STUM: variants seen among roughly 807,000 people sequenced by gnomAD.
STUM encodes the protein stum, mechanosensory transduction mediator homolog.
A neutral mutation model predicts 15.3 loss-of-function variants in STUM; 8 were observed. The observed-to-expected ratio is 0.52, with a 90% CI of 0.31 to 0.94. The LOEUF is 0.94. STUM is among the 40% of genes least tolerant of loss of function. The pLI is 0.05. For synonymous variants in STUM, 78 were observed against 88.7 expected, an observed-to-expected ratio of 0.88 and a Z score of 0.68; for missense variants, 142 against 204.9, an observed-to-expected ratio of 0.69 and a Z score of 1.87.
At chr1:226,594,096 G>A (rs543334528) in intron 1 of STUM, among the ~76,000 whole-genome samples, 2 of 152,294 alleles carry the variant, frequency 1.3e-5, no homozygotes, top group East Asian at 1.9e-4. Context: ...ATGAGGAGGA[G>A]GAAAACGAGG....
In STUM at chr1:226,552,803, G is replaced by A. The variant is rs1161892581; in HGVS notation, c.202+3697G>A. Among the ~76,000 whole-genome samples the A allele has an allele frequency of 1.3e-5, 2 of 152,008 alleles. No homozygotes were observed. The highest frequency in any genetic ancestry group is 4.8e-5 in the African/African-American group (2 of 41,362). On this transcript the variant is annotated intron_variant, in intron 1 of 3. Coordinates refer to ENST00000366788, the MANE Select transcript of STUM (RefSeq NM_001003665.4). This position sits in a 1 kb window ranked among gnomAD's most constrained non-coding sequence, Gnocchi z 4.7. ...GATGATTAATCATGTCCTACCTCCT[G>A]GCATCTTTTGTATCATAGATTTTTT...
Position 226,600,824 on chromosome 1 carries a change from A to C in STUM, c.391+150A>C. On this transcript the variant is annotated intron_variant, in intron 3 of 3. Transcript: ENST00000366788. This position sits in a 1 kb window ranked among gnomAD's most constrained non-coding sequence, Gnocchi z 5.2. ...TTAGCTTGAACTTTTGGTTTGGAAA[A>C]TGCTTAAACATAGACAAAAGTAGAG... 1.2e-6 allele frequency: 1 copy of C among 843,554 alleles called. No individual in the cohort carries two copies. Among genetic ancestry groups the C allele is most frequent in the Non-Finnish European group, 1.9e-6 (1 of 531,136 alleles). 52.3% of individuals were successfully genotyped at this position (843,554 alleles called of 1,614,324 possible).
At chr1:226,585,762 G>A (rs551210235) in intron 1 of STUM, among the ~76,000 whole-genome samples, 1 of 152,328 alleles carries the variant, frequency 6.6e-6, no homozygotes, top group African/African-American at 2.4e-5. Context: ...GTAAGTGCCA[G>A]CTGAATACAT....
rs748794159 is a variant in STUM, at chr1:226,549,036, C to T, written c.132C>T (p.Ala44=). The T allele has an allele frequency of 1.3e-6, 2 of 1,585,284 alleles. No homozygotes were observed. Among genetic ancestry groups the T allele is most frequent in the Admixed American group, 1.8e-5 (1 of 56,802 alleles). The change falls in exon 1 of 4, where the codon GCC becomes GCT. Residue 44 remains alanine (A), a synonymous_variant. Transcript: ENST00000366788. The surrounding 1 kb of genome is among the most constrained non-coding windows in gnomAD (Gnocchi z 6.8). Reference sequence around the variant, plus strand: ...GCGAGAAGAAGGGCCCCCTGCGCGCCGCCATCCCCTACATGCCCTTCCCCG... The same window carrying T: ...GCGAGAAGAAGGGCCCCCTGCGCGCTGCCATCCCCTACATGCCCTTCCCCG... ...QVREKKGPLR[A]AIPYMPFPVA...
intron 1 of STUM, among the ~76,000 whole-genome samples, chr1:226,569,214 G>A (rs1667668594): frequency 6.6e-6 from 1 of 152,178 alleles, no homozygotes; most frequent in African/African-American, 2.4e-5. Context: ...GGGCTCTCTT[G>A]AAGATTGAAT....
rs1553311961 is a variant in STUM at position 226,589,719 on chromosome 1, C to CCAGGAACAGCATGAG, written c.203-7070_203-7069insAGCAGGAACAGCATG. Among the ~76,000 whole-genome samples the CCAGGAACAGCATGAG allele has an allele frequency of 3.3e-5, 5 of 151,394 alleles. No homozygotes were observed. In the East Asian group the frequency reaches 9.7e-4, roughly 30 times the overall value. ...TGCCAGTTAGTGTTAGCTGGGACCT[C>CCAGGAACAGCATGAG]CAGGAACAGCATGCGCAGGGCCAGC... On this transcript the variant is annotated intron_variant, in intron 1 of 3. Coordinates refer to ENST00000366788, the MANE Select transcript of STUM (RefSeq NM_001003665.4).
intron 2 of STUM, among the ~76,000 whole-genome samples, chr1:226,598,177 G>A (rs1270777180): frequency 6.6e-6 from 1 of 152,198 alleles, no homozygotes; most frequent in Non-Finnish European, 1.5e-5. Flanking sequence ...AGGAAGTGCT[G>A]CCAGCCCTCA....
At chr1:226,592,229 G>A (rs1199061060) in intron 1 of STUM, among the ~76,000 whole-genome samples, 2 of 152,152 alleles carry the variant, frequency 1.3e-5, no homozygotes, top group African/African-American at 4.8e-5. Context: ...TGTATTTTTG[G>A]TAGAGACAGG....
chr1:226,570,955 G>A lies in STUM; in HGVS notation c.202+21849G>A, dbSNP rs557430707. Reference sequence around the variant, plus strand: ...TTTTAAAAGCAAATTTGTAGGCCAGGCACTGTGGCTCACACCTATAATCTC... The same window carrying A: ...TTTTAAAAGCAAATTTGTAGGCCAGACACTGTGGCTCACACCTATAATCTC... On this transcript the variant is annotated intron_variant, in intron 1 of 3. Coordinates refer to ENST00000366788, the MANE Select transcript of STUM (RefSeq NM_001003665.4). Among the ~76,000 whole-genome samples the A allele has an allele frequency of 1.5e-3, 235 of 152,270 alleles. 1 individual carries two copies. Among genetic ancestry groups the A allele is most frequent in the African/African-American group, 5.5e-3 (228 of 41,532 alleles).
chr1:226,550,318 A>G (rs760553603), intron 1 of STUM, among the ~76,000 whole-genome samples: 2 of 152,032 alleles, frequency 1.3e-5, no homozygotes, highest in Non-Finnish European at 2.9e-5. Context: ...TTGTCTTTCT[A>G]CCCTAAGGGG....
At chr1:226,579,623 T>C (rs1176606806) in intron 1 of STUM, among the ~76,000 whole-genome samples, 19 of 75,762 alleles carry the variant, frequency 2.5e-4, no homozygotes, top group African/African-American at 1.1e-3. Flanking sequence ...GGGAAGGCCT[T>C]ATTTCTTTTT....
At chr1:226,591,959 C>T (rs187831932) in intron 1 of STUM, among the ~76,000 whole-genome samples, 4 of 152,088 alleles carry the variant, frequency 2.6e-5, no homozygotes, top group Admixed American at 6.6e-5. Context: ...CAGGGCCTTC[C>T]ATAAATGACA....
intron 1 of STUM, among the ~76,000 whole-genome samples, chr1:226,574,851 T>C (rs936291277): frequency 1.3e-5 from 2 of 152,104 alleles, no homozygotes; most frequent in Non-Finnish European, 2.9e-5. Context: ...AGAGGGCGTG[T>C]CTCGGGGTCA....
chr1:226,571,917 A>G (rs1667717795), intron 1 of STUM, among the ~76,000 whole-genome samples: 1 of 152,184 alleles, frequency 6.6e-6, no homozygotes, highest in Non-Finnish European at 1.5e-5. Flanking sequence ...CTTGGATTAC[A>G]GGCGTGAGCC....
rs1271936210 is a variant in STUM, at chr1:226,607,690, G to A, written c.*5650G>A. 6.6e-6 allele frequency: 1 copy of A among 152,252 alleles called. No individual in the cohort carries two copies. Among genetic ancestry groups the A allele is most frequent in the Non-Finnish European group, 1.5e-5 (1 of 68,062 alleles). The allele number at this position is 152,252 out of a possible 1,614,324, so 9.4% of individuals were successfully genotyped here. On this transcript the variant is annotated 3_prime_UTR_variant, in exon 4 of 4. Transcript: ENST00000366788. ...GTGCCCTGTAGCGTCCACCATGTGTGTGTCCTGAGTTTCCAGTGCAAGTCA... is the reference window on the plus strand; with the variant it reads ...GTGCCCTGTAGCGTCCACCATGTGTATGTCCTGAGTTTCCAGTGCAAGTCA...
chr1:226,565,028 C>T lies in STUM; in HGVS notation c.202+15922C>T, dbSNP rs967010023. On this transcript the variant is annotated intron_variant, in intron 1 of 3. Transcript: ENST00000366788. The surrounding 1 kb of genome is among the most constrained non-coding windows in gnomAD (Gnocchi z 4.4). ...GGAGGCCGACCTCTACGGCCTGCATCACCAGTCCCCTTGCCCTCGAGCTTC... is the reference window on the plus strand; with the variant it reads ...GGAGGCCGACCTCTACGGCCTGCATTACCAGTCCCCTTGCCCTCGAGCTTC... Among the ~76,000 whole-genome samples the T allele has an allele frequency of 2.0e-5, 3 of 152,240 alleles. No homozygotes were observed. Among genetic ancestry groups the T allele is most frequent in the African/African-American group, 7.2e-5 (3 of 41,460 alleles).
chr1:226,553,161 TAGCCATGAAA>T (rs1221302444), intron 1 of STUM, among the ~76,000 whole-genome samples: 1 of 151,950 alleles, frequency 6.6e-6, no homozygotes, highest in Admixed American at 6.6e-5. Flanking sequence ...CTATACAGAG[TAGCCATGAAA>T]AGCCACCCTG....
intron 1 of STUM, among the ~76,000 whole-genome samples, chr1:226,572,354 A>G (rs78329248): frequency 3.9e-5 from 6 of 152,278 alleles, no homozygotes; most frequent in Admixed American, 3.9e-4. Context: ...ACAAGTATGC[A>G]TTGTTGAAAG....
At chr1:226,588,180 A>G (rs887993667) in intron 1 of STUM, among the ~76,000 whole-genome samples, 3 of 152,192 alleles carry the variant, frequency 2.0e-5, no homozygotes, top group African/African-American at 4.8e-5. Flanking sequence ...TGGCCAGGAC[A>G]TGAGGCTGCA....
Sources: gnomAD v4.1 joint callset for allele counts (sites outside exome capture counted in the v4.1 genomes callset) on GRCh38, gnomAD v4.1.1 for gene constraint, Gnocchi (gnomAD v3.1) non-coding constraint, MANE v1.5 for transcripts, NCBI Gene and HGNC (gene_info 2026-07-23, HGNC 2026-07-21) for gene names.